ACAD10: variants seen among roughly 807,000 people sequenced by gnomAD.
ACAD10 encodes the protein acyl-CoA dehydrogenase family member 10.
In ACAD10, 112 loss-of-function variants were observed where a neutral mutation model predicts 116.8. The observed-to-expected ratio is 0.96, with a 90% CI of 0.82 to 1.12. The LOEUF (loss-of-function observed/expected upper bound fraction) is 1.12, where lower values mean the gene tolerates loss of function less well. Ranked by LOEUF, ACAD10 falls within the 50% of genes most tolerant of loss-of-function variation. The probability of loss-of-function intolerance (pLI) is 0.00; values close to 1 mark genes in which losing one functional copy is unlikely to be tolerated. For synonymous variants in ACAD10, 486 were observed against 510.6 expected (o/e 0.95, Z 0.65); for missense variants, 1,259 against 1,350.2 (o/e 0.93, Z 1.06).
In ACAD10 at chr12:111,716,952, C is replaced by T. The variant is rs910144151; in HGVS notation, c.992+990C>T. ...AAGTAAACCTTGGTATATATACTGT[C>T]GCAATGACAGTAATAGTAATAGCTA... On this transcript the variant is annotated intron_variant, in intron 7 of 20. Transcript: ENST00000313698. Among the ~76,000 whole-genome samples, 6 of 152,114 alleles carry T rather than the reference C, an allele frequency of 3.9e-5. 1 individual carries two copies. Among genetic ancestry groups the T allele is most frequent in the East Asian group, 3.8e-4 (2 of 5,200 alleles).
chr12:111,736,944 G>A lies in ACAD10; in HGVS notation c.1654G>A (p.Ala552Thr). The A allele has an allele frequency of 1.9e-6, 3 of 1,614,036 alleles. No homozygotes were observed. The highest frequency in any genetic ancestry group is 2.5e-6 in the Non-Finnish European group (3 of 1,179,980). ...CACTGAGAACTGGAACTTCTATATGGCTTTTTCCTTTTTCCGTGTGGCTGC... is the reference window on the plus strand; with the variant it reads ...CACTGAGAACTGGAACTTCTATATGACTTTTTCCTTTTTCCGTGTGGCTGC... Reference protein sequence around the residue: ...PPTENWNFYMAFSFFRVAAIL... With the variant: ...PPTENWNFYMTFSFFRVAAIL... The change falls in exon 12 of 21, where the codon GCT (alanine) becomes ACT (threonine). Residue 552 changes from alanine (A) to threonine (T), a missense_variant. Coordinates refer to ENST00000313698, the MANE Select transcript of ACAD10 (RefSeq NM_025247.6).
chr12:111,692,763 A>T lies in ACAD10; in HGVS notation c.54A>T (p.Thr18=). Residue 18 remains threonine (T), a synonymous_variant, in exon 2 of 21, where the codon ACA becomes ACT. Coordinates refer to ENST00000313698, the MANE Select transcript of ACAD10 (RefSeq NM_025247.6). ...QSPRLQWVWR[T]AFLKHTQRRH... is the part of the protein sequence containing the mutation. ...CCCGTCTCCAGTGGGTGTGGAGAAC[A>T]GCCTTCCTGAAACACACCCAGCGCA... 3 of 1,614,212 alleles carry T rather than the reference A, an allele frequency of 1.9e-6. No homozygotes were observed. Among genetic ancestry groups the T allele is most frequent in the Non-Finnish European group, 2.5e-6 (3 of 1,180,040 alleles).
intron 8 of ACAD10, among the ~76,000 whole-genome samples, chr12:111,724,997 A>T (rs894507057): frequency 6.6e-6 from 1 of 152,192 alleles, no homozygotes; most frequent in Non-Finnish European, 1.5e-5. Context: ...ATTATGTAAC[A>T]TTTGAAACCT....
At chr12:111,723,661 C>G (rs1177281704) in intron 8 of ACAD10, among the ~76,000 whole-genome samples, 1 of 143,324 alleles carries the variant, frequency 7.0e-6, no homozygotes, top group Non-Finnish European at 1.5e-5. Flanking sequence ...CCCGACCTCC[C>G]TCCCGGACGG....
intron 12 of ACAD10, among the ~76,000 whole-genome samples, chr12:111,743,887 C>T (rs1237455065): frequency 6.6e-6 from 1 of 151,962 alleles, no homozygotes; most frequent in Non-Finnish European, 1.5e-5. Flanking sequence ...GCTGAGATTA[C>T]AGGCACACAC....
chr12:111,703,202 A>C (rs1248026747), intron 3 of ACAD10, among the ~76,000 whole-genome samples: 1 of 152,052 alleles, frequency 6.6e-6, no homozygotes, highest in Non-Finnish European at 1.5e-5. Flanking sequence ...ATGACAAGAT[A>C]CCTGGGGGCA....
In ACAD10 at chr12:111,751,625, G is replaced by A. The variant is rs375222069; in HGVS notation, c.2818-2147G>A. Among the ~76,000 whole-genome samples the A allele has an allele frequency of 8.5e-5, 13 of 152,208 alleles. 2 individuals are homozygous for A. Among genetic ancestry groups the A allele is most frequent in the East Asian group, 5.8e-4 (3 of 5,184 alleles). On this transcript the variant is annotated intron_variant, in intron 18 of 20. Coordinates refer to ENST00000313698, the MANE Select transcript of ACAD10 (RefSeq NM_025247.6). ...ACATGCCTGTAATCCCAGCTACTTGGGAGGCTGAGGCAGGAGGATCACTTG... is the reference window on the plus strand; with the variant it reads ...ACATGCCTGTAATCCCAGCTACTTGAGAGGCTGAGGCAGGAGGATCACTTG...
At chr12:111,728,188 G>A (rs763092823) in intron 9 of ACAD10, 45 bp downstream of exon 9, 1 of 1,535,652 alleles carries the variant, frequency 6.5e-7, no homozygotes, top group African/African-American at 1.4e-5. Context: ...TTCATCACTA[G>A]TGCTTCTGCT....
At chr12:111,711,580 A>G (rs1593025960) in intron 5 of ACAD10, among the ~76,000 whole-genome samples, 1 of 135,082 alleles carries the variant, frequency 7.4e-6, no homozygotes, top group African/African-American at 2.9e-5. Flanking sequence ...TCCAGACTGC[A>G]GTGGTCCTAT....
chr12:111,718,036 CTTTTTTTTTTTTT>C (rs560344796), intron 7 of ACAD10, among the ~76,000 whole-genome samples: 96 of 63,682 alleles, frequency 1.5e-3, no homozygotes, highest in African/African-American at 2.7e-3. Flanking sequence ...TAGTGATATC[CTTTTTTTTTTTTT>C]TTTTTTTTTT....
At chr12:111,690,813 T>G (rs1273675281) in intron 1 of ACAD10, among the ~76,000 whole-genome samples, 1 of 151,538 alleles carries the variant, frequency 6.6e-6, no homozygotes, top group Non-Finnish European at 1.5e-5. Flanking sequence ...TTTCTGATTT[T>G]GGAGCATTTC....
chr12:111,689,105 C>T (rs1244971737), intron 1 of ACAD10, among the ~76,000 whole-genome samples: 2 of 151,678 alleles, frequency 1.3e-5, no homozygotes, highest in East Asian at 2.0e-4. Context: ...GCAGGAGAAT[C>T]GCTTGAACCC....
At position 111,744,899 on chromosome 12, in the gene ACAD10, G is replaced by C. The variant is rs1889847262; in HGVS notation, c.1971G>C (p.Glu657Asp). ...GGGGAGGTCTGGTTATCTCTCCAGA[G>C]AGCCTCTCTCCACCTGTCAGAGAGC... The part of the protein sequence containing the change: ...TSRGGLVISP[E>D]SLSPPVRELY... The change falls in exon 13 of 21, where the codon GAG becomes GAC. Residue 657 changes from glutamate to aspartate, a missense_variant. Physicochemically the swap from Glu to Asp is conservative, Grantham distance 45 (BLOSUM62 2). Coordinates refer to ENST00000313698, the MANE Select transcript of ACAD10 (RefSeq NM_025247.6). The C allele has an allele frequency of 1.2e-6, 2 of 1,614,060 alleles. No individual in the cohort carries two copies. Among genetic ancestry groups the C allele is most frequent in the Non-Finnish European group, 1.7e-6 (2 of 1,180,032 alleles).
Position 111,729,306 on chromosome 12 carries a change from C to T in ACAD10, c.1244-500C>T, listed in dbSNP as rs1369267333. On this transcript the variant is annotated intron_variant, in intron 9 of 20. Coordinates refer to ENST00000313698, the MANE Select transcript of ACAD10 (RefSeq NM_025247.6). ...AGGCTGGAGTGCAATGGCGCAATCTCGGCTCACTTCAACCTCCGCCTCCTG... is the reference window on the plus strand; with the variant it reads ...AGGCTGGAGTGCAATGGCGCAATCTTGGCTCACTTCAACCTCCGCCTCCTG... Among the ~76,000 whole-genome samples, 3 of 152,144 alleles carry T rather than the reference C, an allele frequency of 2.0e-5. No homozygotes were observed. The East Asian group carries it at 5.8e-4, about 29-fold the overall frequency.
At position 111,700,748 on chromosome 12, in the gene ACAD10, CTTTTTTTTTTT is replaced by C. The variant is rs750378233; in HGVS notation, c.188-1399_188-1389del. Among the ~76,000 whole-genome samples the C allele has an allele frequency of 5.6e-5, 5 of 89,938 alleles. No individual in the cohort carries two copies. In the East Asian group the frequency reaches 9.0e-4, roughly 16 times the overall value. 59.0% of individuals were successfully genotyped at this position (89,938 alleles called of 152,430 possible). A position where few individuals can be genotyped will look rare whatever the true frequency, so the allele number is the denominator to read the frequency against. ...TTTCCTTCCTTCCTTCCTTCCTCTT[CTTTTTTTTTTT>C]TTTTTTTTTTTTTTAAGACATGGGG... On this transcript the variant is annotated intron_variant, in intron 2 of 20. Transcript: ENST00000313698.
chr12:111,742,284 A>G (rs565393491), intron 12 of ACAD10, among the ~76,000 whole-genome samples: 21 of 152,326 alleles, frequency 1.4e-4, no homozygotes, highest in African/African-American at 5.1e-4. Flanking sequence ...ATCCTTATGA[A>G]TAATAAGGAA....
chr12:111,696,909 G>A (rs557402778), intron 2 of ACAD10, among the ~76,000 whole-genome samples: 13 of 152,018 alleles, frequency 8.6e-5, no homozygotes, highest in East Asian at 1.9e-4. Context: ...GTGAAACCCC[G>A]TCTCTACTAA....
Position 111,712,599 on chromosome 12 carries a change from A to G in ACAD10, c.792A>G (p.Glu264=). The change falls in exon 6 of 21, where the codon GAA becomes GAG. Residue 264 remains glutamate (E), a synonymous_variant. Transcript: ENST00000313698. ...CTCGGCCTGTGAAAAAGACGATGGA[A>G]ATTCCGAAAGATTCCTTGCAGAAGT... is the stretch of plus-strand genomic sequence containing the variant. The part of the protein sequence containing the change: ...PNTRPVKKTM[E]IPKDSLQKYL... 6.2e-7 allele frequency: 1 copy of G among 1,614,200 alleles called. No individual in the cohort carries two copies. Among genetic ancestry groups the G allele is most frequent in the Admixed American group, 1.7e-5 (1 of 60,014 alleles).
chr12:111,721,685 T>C lies in ACAD10; in HGVS notation c.1007T>C (p.Leu336Pro). The change falls in exon 8 of 21, where the codon CTT becomes CCT. Residue 336 changes from leucine (L) to proline (P), a missense_variant. Physicochemically the swap from Leu to Pro is moderately conservative, Grantham distance 98 (BLOSUM62 -3). Transcript: ENST00000313698. The part of the protein sequence containing the change: ...IEREFRIMKA[L>P]ANAGVPVPNV... ...TGTCCTTGCAGGATTATGAAAGCCC[T>C]TGCAAATGCTGGAGTACCTGTCCCT... The C allele has an allele frequency of 6.2e-7, 1 of 1,605,512 alleles. No homozygotes were observed. Among genetic ancestry groups the C allele is most frequent in the Non-Finnish European group, 8.5e-7 (1 of 1,173,204 alleles).
Sources: gnomAD v4.1 joint callset for allele counts (sites outside exome capture counted in the v4.1 genomes callset) on GRCh38, gnomAD v4.1.1 for gene constraint, MANE v1.5 for transcripts, NCBI Gene and HGNC (gene_info 2026-07-23, HGNC 2026-07-21) for gene names.